PRICKLE2: variants seen among roughly 807,000 people sequenced by gnomAD.
The protein encoded by PRICKLE2 is prickle planar cell polarity protein 2, also known as prickle-like protein 2.
PRICKLE2 carries 21 observed loss-of-function variants against 81.4 expected under a neutral mutation model. That is an observed-to-expected ratio of 0.26 (90% CI 0.18 to 0.37). The LOEUF (loss-of-function observed/expected upper bound fraction) is 0.37. PRICKLE2 is among the 10% of genes least tolerant of loss of function. The pLI is 1.00. For synonymous variants in PRICKLE2, 456 were observed against 421.5 expected (o/e 1.08, Z -1.00); for missense variants, 940 against 1,109.0 (o/e 0.85, Z 2.16).
intron 3 of PRICKLE2, 61 bp from the exon 4 acceptor site, chr3:64,160,138 C>T (rs2077708469): frequency 1.9e-6 from 3 of 1,574,326 alleles, no homozygotes; most frequent in East Asian, 2.2e-5. Context: ...ATTTCTGAAG[C>T]CCATGACTCT....
At chr3:64,177,673 C>G (rs1048697169) in intron 2 of PRICKLE2, among the ~76,000 whole-genome samples, 6 of 152,162 alleles carry the variant, frequency 3.9e-5, no homozygotes, top group Admixed American at 1.3e-4. Context: ...ATGCAATATT[C>G]GTCCTTTGTG....
intron 2 of PRICKLE2, among the ~76,000 whole-genome samples, chr3:64,240,246 CA>C (rs563808434): frequency 8.1e-4 from 124 of 152,200 alleles, no homozygotes; most frequent in Non-Finnish European, 1.4e-3. Context: ...ATGAGGTCAC[CA>C]AGACATTGAC....
At chr3:64,110,617 G>A (rs2076828576) in intron 7 of PRICKLE2, among the ~76,000 whole-genome samples, 1 of 152,174 alleles carries the variant, frequency 6.6e-6, no homozygotes, top group Admixed American at 6.5e-5. Context: ...TGATGACTAT[G>A]GGGAGACCTA....
intron 7 of PRICKLE2, among the ~76,000 whole-genome samples, chr3:64,115,104 T>A (rs367547212): frequency 3.3e-4 from 50 of 152,190 alleles, no homozygotes; most frequent in Middle Eastern, 3.4e-3. Flanking sequence ...CAAACTAAGA[T>A]TCATAAGCAA....
At chr3:64,258,852 A>G (rs2079571059) in intron 2 of PRICKLE2, among the ~76,000 whole-genome samples, 1 of 127,564 alleles carries the variant, frequency 7.8e-6, no homozygotes, top group African/African-American at 3.2e-5. Context: ...AAAAAAAGAA[A>G]GAAAGAAAGA....
At chr3:64,190,402 A>T (rs897141591) in intron 2 of PRICKLE2, 6 of 12,906 alleles carry the variant, frequency 4.6e-4, no homozygotes, top group South Asian at 5.1e-3. Flanking sequence ...ATGTTTTTTT[A>T]AAAAAAATCA....
At position 64,217,647 on chromosome 3, in the gene PRICKLE2, T is replaced by C. The variant is rs190385713; in HGVS notation, c.-41+7263A>G. On this transcript the variant is annotated intron_variant, in intron 1 of 7. Transcript: ENST00000638394. ...ATCCAAGGGTTGGGTTAGCATGTAG[T>C]GTAAATCTCCTGGGCCAACTGTAAC... Among the ~76,000 whole-genome samples the C allele has an allele frequency of 7.4e-4, 113 of 152,298 alleles. 1 individual carries two copies. Among genetic ancestry groups the C allele is most frequent in the African/African-American group, 2.6e-3 (109 of 41,564 alleles).
At chr3:64,144,494 A>C in intron 7 of PRICKLE2, among the ~76,000 whole-genome samples, 1 of 152,260 alleles carries the variant, frequency 6.6e-6, no homozygotes, top group Non-Finnish European at 1.5e-5. Context: ...GGCAACAAGC[A>C]GCTGGAGCTG....
intron 7 of PRICKLE2, among the ~76,000 whole-genome samples, chr3:64,104,969 A>G (rs1302071042): frequency 6.6e-6 from 1 of 152,180 alleles, no homozygotes; most frequent in Non-Finnish European, 1.5e-5. Context: ...AAAATCTAGA[A>G]TCCTTACGCA....
At chr3:64,118,149 T>C (rs1039585172) in intron 7 of PRICKLE2, among the ~76,000 whole-genome samples, 2 of 152,132 alleles carry the variant, frequency 1.3e-5, no homozygotes, top group Non-Finnish European at 2.9e-5. Context: ...TGGCTAGCCA[T>C]ATGCTGAAAA....
intron 7 of PRICKLE2, among the ~76,000 whole-genome samples, chr3:64,129,497 A>C (rs2077167659): frequency 1.3e-5 from 2 of 152,188 alleles, no homozygotes; most frequent in African/African-American, 2.4e-5. Context: ...GCAAAGAATA[A>C]AAAATTCGGG....
chr3:64,187,909 G>T (rs1348138436), intron 2 of PRICKLE2, among the ~76,000 whole-genome samples: 1 of 152,230 alleles, frequency 6.6e-6, no homozygotes, highest in Non-Finnish European at 1.5e-5. Context: ...AGGTATCAGC[G>T]CATGCTCTAG....
At chr3:64,149,824 T>C (rs6445392) in intron 6 of PRICKLE2, among the ~76,000 whole-genome samples, 51,461 of 152,032 alleles carry the variant, frequency 0.34, 9,892 homozygotes, top group East Asian at 0.46. Context: ...ATTAGCTCTT[T>C]CCCAAACTAT....
At chr3:64,101,738 TG>T (rs1213410921) in intron 7 of PRICKLE2, 1 of 152,220 alleles carries the variant, frequency 6.6e-6, no homozygotes, top group African/African-American at 2.4e-5. Flanking sequence ...GTGCCAGATT[TG>T]GAAAGTCATT....
At chr3:64,194,328 A>G (rs1175199338) in intron 2 of PRICKLE2, 1 of 152,218 alleles carries the variant, frequency 6.6e-6, no homozygotes, top group African/African-American at 2.4e-5. Flanking sequence ...TGCTCAATAA[A>G]TGTTTGCTAA....
intron 2 of PRICKLE2, among the ~76,000 whole-genome samples, chr3:64,168,360 T>C (rs568294353): frequency 6.6e-6 from 1 of 152,122 alleles, no homozygotes; most frequent in Admixed American, 6.5e-5. Context: ...ACACTAATGA[T>C]AGCTGATGAG....
intron 2 of PRICKLE2, among the ~76,000 whole-genome samples, chr3:64,196,712 G>A (rs1009016144): frequency 5.3e-5 from 8 of 152,092 alleles, no homozygotes; most frequent in African/African-American, 1.9e-4. Context: ...CCTGTAGTGA[G>A]AATTAGAACA....
intron 7 of PRICKLE2, among the ~76,000 whole-genome samples, chr3:64,117,905 G>A (rs2076962380): frequency 6.6e-6 from 1 of 151,982 alleles, no homozygotes; most frequent in Non-Finnish European, 1.5e-5. Context: ...ACAATCCTAA[G>A]CAAAAAAGAA....
At chr3:64,240,436 C>A (rs988413654) in intron 2 of PRICKLE2, among the ~76,000 whole-genome samples, 1 of 152,124 alleles carries the variant, frequency 6.6e-6, no homozygotes, top group Admixed American at 6.5e-5. Context: ...TGGAGTTGGG[C>A]CTGAATGGAG....
Sources: allele counts gnomAD v4.1 joint callset (sites outside exome capture counted in the v4.1 genomes callset), GRCh38; gene constraint gnomAD v4.1.1; transcripts MANE v1.5; gene names NCBI Gene and HGNC (gene_info 2026-07-23, HGNC 2026-07-21).